DMD: variants seen among roughly 807,000 people sequenced by gnomAD.
The protein encoded by DMD is mutant dystrophin.
DMD carries 63 observed loss-of-function variants against 330.1 expected under a neutral mutation model. That is an observed-to-expected ratio of 0.19 (90% CI 0.16 to 0.24). The LOEUF is 0.24. DMD is among the 10% of genes least tolerant of loss of function. DMD has a pLI of 1.00. For missense variants in DMD, 3,344 were observed against 2,684.1 expected (o/e 1.25, Z -5.43); for synonymous variants, 1,223 against 959.8 (o/e 1.27, Z -5.07).
chrX:31,933,481 A>T (rs1405250666), intron 45 of DMD, among the ~76,000 whole-genome samples: 1 of 102,916 alleles, frequency 9.7e-6, no homozygotes, highest in Non-Finnish European at 1.9e-5. Context: ...CAGCTGAACA[A>T]AATTGTTTGT....
intron 1 of DMD, among the ~76,000 whole-genome samples, chrX:33,274,650 T>C (rs937728325): frequency 6.3e-5 from 7 of 111,890 alleles, no homozygotes; most frequent in Admixed American, 1.9e-4. Flanking sequence ...TCAATAGTTA[T>C]GTAAATACTG....
intron 30 of DMD, among the ~76,000 whole-genome samples, chrX:32,402,304 A>G (rs919189920): frequency 1.9e-4 from 21 of 111,756 alleles, no homozygotes; most frequent in African/African-American, 6.8e-4. Flanking sequence ...TAATTGATAT[A>G]TTCTCTATTC....
intron 74 of DMD, among the ~76,000 whole-genome samples, chrX:31,165,084 G>A (rs970634136): frequency 6.3e-5 from 7 of 111,464 alleles, no homozygotes; most frequent in South Asian, 3.8e-4. Context: ...AAGATTTCCC[G>A]TAGCTATGAA....
intron 44 of DMD, among the ~76,000 whole-genome samples, chrX:31,973,145 T>G (rs2150212989): frequency 9.0e-6 from 1 of 110,549 alleles, no homozygotes; most frequent in African/African-American, 3.3e-5. Context: ...CCCATTCAAC[T>G]TAGCCTGTCC....
chrX:31,980,215 A>C (rs1976695853), intron 44 of DMD, among the ~76,000 whole-genome samples: 1 of 112,003 alleles, frequency 8.9e-6, no homozygotes, highest in Non-Finnish European at 1.9e-5. Context: ...CTAAATGAAA[A>C]CATATGCTCA....
chrX:32,026,131 T>C (rs541541844), intron 44 of DMD, among the ~76,000 whole-genome samples: 1 of 112,000 alleles, frequency 8.9e-6, no homozygotes, highest in South Asian at 3.7e-4. Flanking sequence ...TAAATACATT[T>C]ATATGATAAT....
chrX:31,759,478 C>T (rs188632072), intron 51 of DMD, among the ~76,000 whole-genome samples: 2 of 111,301 alleles, frequency 1.8e-5, no homozygotes, highest in East Asian at 5.6e-4. Flanking sequence ...AGATGGCATT[C>T]TGAGTCCACA....
chrX:32,381,760 G>A (rs2097925996), intron 33 of DMD, among the ~76,000 whole-genome samples: 1 of 110,648 alleles, frequency 9.0e-6, no homozygotes, highest in Non-Finnish European at 1.9e-5. Flanking sequence ...GTTGCTCCTG[G>A]TTTTCTTTTC....
At chrX:31,150,713 TTC>T (rs1294165826) in intron 74 of DMD, among the ~76,000 whole-genome samples, 1 of 112,142 alleles carries the variant, frequency 8.9e-6, no homozygotes, top group African/African-American at 3.2e-5. Context: ...GCTAAATATT[TTC>T]TGTTGTCCCA....
chrX:31,499,485 A>C (rs1311558686), intron 56 of DMD, among the ~76,000 whole-genome samples: 1 of 88,770 alleles, frequency 1.1e-5, no homozygotes, highest in Non-Finnish European at 2.2e-5. Flanking sequence ...TAGGGAATTC[A>C]GTTCTTTTTT....
chrX:32,406,924 G>A (rs1272105626), intron 30 of DMD, among the ~76,000 whole-genome samples: 1 of 111,376 alleles, frequency 9.0e-6, no homozygotes, highest in Non-Finnish European at 1.9e-5. Flanking sequence ...CTAGCCATAT[G>A]TAGAAAGCTG....
At position 32,829,603 on chromosome X, in the gene DMD, A is replaced by G. The variant is rs540738222; in HGVS notation, c.265-6216T>C. On this transcript the variant is annotated intron_variant, in intron 4 of 78. Transcript: ENST00000357033. ...TATTCAATTTTCTACGTTGAATACA[A>G]TTTTTATTTTTGTTTCTATTTTTAC... 3.0e-4 allele frequency among the ~76,000 whole-genome samples: 33 copies of G among 111,510 alleles called. 1 individual carries two copies. The highest frequency in any genetic ancestry group is 1.0e-3 in the African/African-American group (31 of 30,831).
intron 7 of DMD, among the ~76,000 whole-genome samples, chrX:32,726,888 C>T (rs1159049440): frequency 1.8e-5 from 2 of 109,851 alleles, no homozygotes; most frequent in Non-Finnish European, 1.9e-5. Flanking sequence ...CTAGGCCTAA[C>T]GTTTACTAGA....
At chrX:31,317,155 G>A (rs1263567017) in intron 62 of DMD, among the ~76,000 whole-genome samples, 1 of 111,437 alleles carries the variant, frequency 9.0e-6, no homozygotes, top group East Asian at 2.8e-4. Context: ...ATGTCATTCT[G>A]CTTCCTTAAA....
At chrX:31,284,605 C>CTT (rs1556432295) in intron 62 of DMD, among the ~76,000 whole-genome samples, 1 of 91,127 alleles carries the variant, frequency 1.1e-5, no homozygotes, top group African/African-American at 4.3e-5. Context: ...TCTTCTTCTT[C>CTT]TTTTTTTTGG....
intron 1 of DMD, among the ~76,000 whole-genome samples, chrX:33,271,762 T>C (rs2148913908): frequency 1.1e-5 from 1 of 90,163 alleles, no homozygotes; most frequent in South Asian, 5.7e-4. Context: ...CGAGACTCTG[T>C]CTCAAAAAAA....
At chrX:31,877,667 T>G (rs993155451) in intron 47 of DMD, among the ~76,000 whole-genome samples, 6 of 102,337 alleles carry the variant, frequency 5.9e-5, no homozygotes, top group Non-Finnish European at 1.2e-4. Flanking sequence ...TGCTGAACTC[T>G]TGTGTGTGTG....
chrX:31,960,821 T>G (rs1216641520), intron 45 of DMD, among the ~76,000 whole-genome samples: 1 of 112,269 alleles, frequency 8.9e-6, no homozygotes, highest in Admixed American at 9.4e-5. Flanking sequence ...TGAAGAATTA[T>G]GAATGCCCTT....
chrX:31,966,843 A>G (rs777104741), intron 45 of DMD, among the ~76,000 whole-genome samples: 1 of 111,014 alleles, frequency 9.0e-6, no homozygotes, highest in Non-Finnish European at 1.9e-5. Flanking sequence ...GGGAATGTTA[A>G]TACACTCTAT....
Sources: gnomAD v4.1 joint callset for allele counts (sites outside exome capture counted in the v4.1 genomes callset) on GRCh38, gnomAD v4.1.1 for gene constraint, MANE v1.5 for transcripts, NCBI Gene and HGNC (gene_info 2026-07-23, HGNC 2026-07-21) for gene names.